Variants in ZNF366 observed in about 807,000 individuals in gnomAD.
ZNF366 encodes the protein dendritic cell-specific transcript protein.
Under a neutral mutation model 47.2 loss-of-function variants are expected in ZNF366, and 20 were observed. The observed-to-expected ratio is 0.42, with a 90% CI of 0.30 to 0.62. The LOEUF is 0.62. ZNF366 is among the 20% of genes least tolerant of loss of function. ZNF366 has a pLI of 0.16. For synonymous variants in ZNF366, 421 were observed against 395.1 expected, an observed-to-expected ratio of 1.07 and a Z score of -0.78; for missense variants, 987 against 976.3, an observed-to-expected ratio of 1.01 and a Z score of -0.15.
intron 1 of ZNF366, among the ~76,000 whole-genome samples, chr5:72,463,777 T>C (rs917715073): frequency 1.3e-5 from 2 of 152,232 alleles, no homozygotes; most frequent in East Asian, 3.8e-4. Flanking sequence ...AATCATCTCT[T>C]AGCTTGCAAT....
chr5:72,457,777 G>A (rs971460005), intron 2 of ZNF366, among the ~76,000 whole-genome samples: 4 of 152,134 alleles, frequency 2.6e-5, no homozygotes, highest in Admixed American at 2.0e-4. Flanking sequence ...TGGGTCATGA[G>A]AACCCTGGGG....
chr5:72,502,548 A>G (rs1470845221), intron 1 of ZNF366, among the ~76,000 whole-genome samples: 1 of 152,208 alleles, frequency 6.6e-6, no homozygotes, highest in African/African-American at 2.4e-5. Flanking sequence ...TATTTTCCTT[A>G]TAATTGAAGC....
chr5:72,503,553 A>ACG (rs1304857494), intron 1 of ZNF366, among the ~76,000 whole-genome samples: 1 of 147,112 alleles, frequency 6.8e-6, no homozygotes, highest in Non-Finnish European at 1.5e-5. Context: ...ACACACACAC[A>ACG]CACGCACACC....
intron 1 of ZNF366, among the ~76,000 whole-genome samples, chr5:72,495,822 T>C (rs1214118197): frequency 6.6e-6 from 1 of 152,178 alleles, no homozygotes; most frequent in Non-Finnish European, 1.5e-5. Flanking sequence ...GACCTGGGTC[T>C]CAACCACCCC....
intron 1 of ZNF366, among the ~76,000 whole-genome samples, chr5:72,478,014 TG>T (rs937756590): frequency 2.6e-4 from 40 of 152,270 alleles, no homozygotes; most frequent in African/African-American, 8.2e-4. Flanking sequence ...TTTGAGGGTT[TG>T]TTTTTTTTTA....
chr5:72,493,522 T>C (rs879628085), intron 1 of ZNF366: 1 of 152,182 alleles, frequency 6.6e-6, no homozygotes, highest in African/African-American at 2.4e-5. Context: ...AAACCTATTA[T>C]AGGTAGCAAT....
chr5:72,450,312 C>G (rs915143035), intron 3 of ZNF366, among the ~76,000 whole-genome samples: 3 of 152,110 alleles, frequency 2.0e-5, no homozygotes, highest in African/African-American at 7.2e-5. Context: ...ATTCACCTGC[C>G]CCAAGGTCCC....
At chr5:72,488,662 A>G (rs749385416) in intron 1 of ZNF366, among the ~76,000 whole-genome samples, 1 of 152,218 alleles carries the variant, frequency 6.6e-6, no homozygotes, top group Non-Finnish European at 1.5e-5. Flanking sequence ...ACAGTGATTT[A>G]GATTTTGCTT....
rs772953236 is a variant in ZNF366 at position 72,466,022 on chromosome 5, G to C, written c.-14-4512C>G. Reference sequence around the variant, plus strand: ...GGAGTGAGAAAGAGTGGACAGGAGAGGGGGACTGGGTTGTGATCAGTGGTT... The same window carrying C: ...GGAGTGAGAAAGAGTGGACAGGAGACGGGGACTGGGTTGTGATCAGTGGTT... On this transcript the variant is annotated intron_variant, in intron 1 of 4. Transcript: ENST00000318442. Among the ~76,000 whole-genome samples, 4 of 152,190 alleles carry C rather than the reference G, an allele frequency of 2.6e-5. No homozygotes were observed. The East Asian group carries it at 5.8e-4, about 22-fold the overall frequency.
chr5:72,446,530 C>G (rs531625992), intron 4 of ZNF366, among the ~76,000 whole-genome samples: 109 of 152,224 alleles, frequency 7.2e-4, no homozygotes, highest in Non-Finnish European at 1.1e-3. Flanking sequence ...CTCTTCACTG[C>G]CAAGGGCTCT....
Position 72,441,947 on chromosome 5 carries a change from C to T in ZNF366, c.*1809G>A, listed in dbSNP as rs1742861766. ...AGTGCCAGTGCCTAAGTAAGTCTGACCTGCTGGGCCCATCCCACCCAATAG... is the reference window on the plus strand; with the variant it reads ...AGTGCCAGTGCCTAAGTAAGTCTGATCTGCTGGGCCCATCCCACCCAATAG... On this transcript the variant is annotated 3_prime_UTR_variant, in exon 5 of 5. Coordinates refer to ENST00000318442, the MANE Select transcript of ZNF366 (RefSeq NM_152625.3). The T allele has an allele frequency of 6.6e-6, 1 of 152,192 alleles. No individual in the cohort carries two copies. Among genetic ancestry groups the T allele is most frequent in the African/African-American group, 2.4e-5 (1 of 41,430 alleles). 9.4% of individuals were successfully genotyped at this position (152,192 alleles called of 1,614,324 possible).
intron 3 of ZNF366, among the ~76,000 whole-genome samples, chr5:72,454,619 C>T (rs1169081921): frequency 6.6e-6 from 1 of 152,164 alleles, no homozygotes; most frequent in Non-Finnish European, 1.5e-5. Flanking sequence ...TAATGGCTCT[C>T]TTCATATTTT....
At chr5:72,487,686 T>G (rs1030254235) in intron 1 of ZNF366, among the ~76,000 whole-genome samples, 5 of 152,188 alleles carry the variant, frequency 3.3e-5, no homozygotes, top group African/African-American at 1.2e-4. Context: ...CATATTGCTG[T>G]TAAAAGATGG....
intron 2 of ZNF366, among the ~76,000 whole-genome samples, chr5:72,458,206 C>T (rs1001516457): frequency 7.3e-5 from 11 of 151,676 alleles, no homozygotes; most frequent in South Asian, 4.1e-4. Context: ...TTAGTAGAGA[C>T]GGGGTTTCAC....
intron 1 of ZNF366, chr5:72,472,556 A>G: frequency 1.0e-6 from 1 of 985,468 alleles, no homozygotes; most frequent in Non-Finnish European, 1.2e-6. Flanking sequence ...AATTAACTGC[A>G]TTAAGAAAGC....
chr5:72,476,854 A>G (rs1219262274), intron 1 of ZNF366, among the ~76,000 whole-genome samples: 1 of 152,010 alleles, frequency 6.6e-6, no homozygotes, highest in Middle Eastern at 3.2e-3. Context: ...CTTCTAACCC[A>G]CAAAGCTTAA....
chr5:72,459,063 T>A (rs982785109), intron 2 of ZNF366, among the ~76,000 whole-genome samples: 5 of 152,190 alleles, frequency 3.3e-5, no homozygotes, highest in African/African-American at 9.7e-5. Flanking sequence ...CTGGATAGTA[T>A]CTACAGGTAC....
In ZNF366 at chr5:72,471,661, A is replaced by T. The variant is rs367834259; in HGVS notation, c.-14-10151T>A. Among the ~76,000 whole-genome samples the T allele has an allele frequency of 1.9e-3, 283 of 152,324 alleles. 1 individual carries two copies. The highest frequency in any genetic ancestry group is 5.9e-3 in the African/African-American group (244 of 41,580). ...AAACTTTTAATGGTATACTTTTGCA[A>T]CTTATACTTCTATACACTGTAGATG... On this transcript the variant is annotated intron_variant, in intron 1 of 4. Coordinates refer to ENST00000318442, the MANE Select transcript of ZNF366 (RefSeq NM_152625.3).
At chr5:72,506,653 C>T (rs765843437) in intron 1 of ZNF366, among the ~76,000 whole-genome samples, 1 of 152,202 alleles carries the variant, frequency 6.6e-6, no homozygotes, top group Non-Finnish European at 1.5e-5. Context: ...TAAATTTACA[C>T]TCAACCCGCA....
Sources: gnomAD v4.1 joint callset for allele counts (sites outside exome capture counted in the v4.1 genomes callset) on GRCh38, gnomAD v4.1.1 for gene constraint, MANE v1.5 for transcripts, NCBI Gene and HGNC (gene_info 2026-07-23, HGNC 2026-07-21) for gene names.